Variants in MPDZ observed in about 807,000 individuals in gnomAD.
MPDZ encodes multiple PDZ domain protein.
A neutral mutation model predicts 239.1 loss-of-function variants in MPDZ; 234 were observed. The observed-to-expected ratio is 0.98, with a 90% confidence interval of 0.88 to 1.09. The LOEUF (loss-of-function observed/expected upper bound fraction) is 1.09. Among genes scored for constraint, MPDZ ranks in the 50% least tolerant of loss-of-function variants. The pLI is 0.00. For missense variants in MPDZ, 3,175 were observed against 2,510.0 expected (o/e 1.26, Z -5.66); for synonymous variants, 1,048 against 881.3 (o/e 1.19, Z -3.35).
rs1944016849 is a variant in MPDZ, at chr9:13,119,546, C to G, written c.5335G>C (p.Asp1779His). 2 of 1,613,436 alleles carry G rather than the reference C, an allele frequency of 1.2e-6. No homozygotes were observed. Among genetic ancestry groups the G allele is most frequent in the South Asian group, 2.2e-5 (2 of 90,862 alleles). ...GCTTCTTGGGTGGCATTACGAACGT[C>G]TTCCCCATTCACCATTAATATCTGG... is the stretch of plus-strand genomic sequence containing the variant. ...GDQILMVNGE[D>H]VRNATQEAVA... The change falls in exon 39 of 47, where the codon GAC becomes CAC. Residue 1779 changes from aspartate to histidine, a missense_variant. Physicochemically the swap from Asp to His is moderately conservative, Grantham distance 81. Transcript: ENST00000319217.
At chr9:13,224,611 A>C in intron 3 of MPDZ, 28 bp from the exon 4 acceptor site, 1 of 1,440,590 alleles carries the variant, frequency 6.9e-7, no homozygotes, top group South Asian at 1.2e-5. Flanking sequence ...ATTATTAAGA[A>C]TTTTGACATT....
chr9:13,250,377 GC>G lies in MPDZ; in HGVS notation c.-57-6del. The G allele has an allele frequency of 7.0e-7, 1 of 1,427,352 alleles. No individual in the cohort carries two copies. Among genetic ancestry groups the G allele is most frequent in the Non-Finnish European group, 9.6e-7 (1 of 1,036,634 alleles). 88.4% of individuals were successfully genotyped at this position (1,427,352 alleles called of 1,614,324 possible). ...AACAGCAATTAAAATGGAACTCTGT[GC>G]AAAAAAGAAATAGAATGGTTATGTT... On this transcript the variant is annotated splice_polypyrimidine_tract_variant and splice_region_variant and intron_variant, in intron 1 of 46. Transcript: ENST00000319217.
intron 4 of MPDZ, among the ~76,000 whole-genome samples, chr9:13,224,107 A>G (rs1959744345): frequency 1.3e-5 from 2 of 152,154 alleles, no homozygotes; most frequent in Non-Finnish European, 2.9e-5. Context: ...AAAAAAAAAG[A>G]AATTGAATAA....
intron 39 of MPDZ, among the ~76,000 whole-genome samples, chr9:13,118,648 G>C (rs1362363885): frequency 2.0e-5 from 3 of 152,168 alleles, no homozygotes; most frequent in Non-Finnish European, 2.9e-5. Flanking sequence ...AAGGAGATAA[G>C]CATTGCCTAT....
intron 12 of MPDZ, among the ~76,000 whole-genome samples, chr9:13,200,330 C>G (rs181270561): frequency 6.6e-6 from 1 of 151,766 alleles, no homozygotes. Context: ...TATTTTAGGT[C>G]TTTTTGGCTT....
In MPDZ at chr9:13,223,275, T is replaced by G. The variant is rs76842910; in HGVS notation, c.533+296A>C. On this transcript the variant is annotated intron_variant, in intron 5 of 46. Transcript: ENST00000319217. Reference sequence around the variant, plus strand: ...TTATTATGGGTCATTTCTAGCATGGTAATTTTAAAAATCTAATCAAAAAGA... The same window carrying G: ...TTATTATGGGTCATTTCTAGCATGGGAATTTTAAAAATCTAATCAAAAAGA... Among the ~76,000 whole-genome samples, 514 of 151,824 alleles carry G rather than the reference T, an allele frequency of 3.4e-3. 9 individuals carry two copies. Among genetic ancestry groups the G allele is most frequent in the Admixed American group, 0.015 (232 of 15,220 alleles).
chr9:13,117,037 T>C (rs1943570422), intron 39 of MPDZ, among the ~76,000 whole-genome samples: 1 of 152,110 alleles, frequency 6.6e-6, no homozygotes, highest in Admixed American at 6.5e-5. Context: ...CTATGTTTTT[T>C]CCTATATATA....
In MPDZ at chr9:13,202,881, G is replaced by T. The variant is rs188994662; in HGVS notation, c.1546+2155C>A. ...CTCTAGTTCTGGTGAACTCAGGGTG[G>T]TATTTTTGTCTTTGATAGTTTCCAG... On this transcript the variant is annotated intron_variant, in intron 12 of 46. Transcript: ENST00000319217. Among the ~76,000 whole-genome samples, 343 of 152,236 alleles carry T rather than the reference G, an allele frequency of 2.3e-3. 2 individuals are homozygous for T. The highest frequency in any genetic ancestry group is 4.3e-3 in the Non-Finnish European group (291 of 68,022).
intron 1 of MPDZ, chr9:13,274,624 A>C (rs1051860270): frequency 9.9e-5 from 15 of 152,046 alleles, no homozygotes; most frequent in Admixed American, 2.0e-4. Context: ...AAAAACAAAA[A>C]AAAAAAAAAG....
intron 1 of MPDZ, among the ~76,000 whole-genome samples, chr9:13,278,334 C>T (rs1974718586): frequency 2.6e-5 from 4 of 152,150 alleles, no homozygotes; most frequent in Admixed American, 2.6e-4. Context: ...CCAAGCGGAG[C>T]ACCTCAAAAG....
intron 1 of MPDZ, among the ~76,000 whole-genome samples, chr9:13,257,587 A>G (rs535711525): frequency 1.3e-5 from 2 of 152,344 alleles, no homozygotes; most frequent in South Asian, 4.1e-4. Flanking sequence ...TTAGGTAAGT[A>G]AAAATCGATT....
At chr9:13,236,687 C>T (rs1964130160) in intron 3 of MPDZ, among the ~76,000 whole-genome samples, 1 of 151,642 alleles carries the variant, frequency 6.6e-6, no homozygotes, top group African/African-American at 2.4e-5. Context: ...CTCCCACTTC[C>T]CCAAATTTCA....
Position 13,143,551 on chromosome 9 carries a change from G to A in MPDZ, c.3755C>T (p.Pro1252Leu). 6.2e-7 allele frequency: 1 copy of A among 1,612,764 alleles called. No homozygotes were observed. Among genetic ancestry groups the A allele is most frequent in the Non-Finnish European group, 8.5e-7 (1 of 1,178,950 alleles). ...AGGGTAAAGGTTGTGCAGCAAGGAA[G>A]GCAAAGGGGATTTCTAAAAGGAAAC... ...IINRPRKSPL[P>L]SLLHNLYPKY... Residue 1252 changes from proline to leucine, a missense_variant, in exon 27 of 47, where the codon CCT becomes CTT. Pro to Leu is a moderately conservative substitution (Grantham distance 98). Coordinates refer to ENST00000319217, the MANE Select transcript of MPDZ (RefSeq NM_001378778.1).
At position 13,189,968 on chromosome 9, in the gene MPDZ, T is replaced by C. The variant is rs1954668041; in HGVS notation, c.2154+146A>G. 5 of 643,098 alleles carry C rather than the reference T, an allele frequency of 7.8e-6. No individual in the cohort carries two copies. The South Asian group carries it at 8.0e-5, about 10-fold the overall frequency. The allele number at this position is 643,098 out of a possible 1,614,324, so 39.8% of individuals were successfully genotyped here. A position where few individuals can be genotyped will look rare whatever the true frequency, so the allele number is the denominator to read the frequency against. On this transcript the variant is annotated intron_variant, in intron 16 of 46. Coordinates refer to ENST00000319217, the MANE Select transcript of MPDZ (RefSeq NM_001378778.1). ...CAATGTTAAAAGAAATCCTTTATGA[T>C]AATCAGTGAATCCTATAAATCACTA...
intron 8 of MPDZ, among the ~76,000 whole-genome samples, chr9:13,218,350 C>T (rs941157774): frequency 6.6e-6 from 1 of 151,826 alleles, no homozygotes; most frequent in Admixed American, 6.6e-5. Flanking sequence ...GGCAATTTGA[C>T]TATCGAATGG....
chr9:13,192,345 A>T, intron 14 of MPDZ, 50 bp from the exon 15 acceptor site: 1 of 1,475,568 alleles, frequency 6.8e-7, no homozygotes, highest in East Asian at 2.5e-5. Flanking sequence ...TAATATGAAC[A>T]TTCTTTTGAA....
intron 19 of MPDZ, among the ~76,000 whole-genome samples, chr9:13,182,146 C>G (rs1953424364): frequency 6.6e-6 from 1 of 152,136 alleles, no homozygotes; most frequent in Admixed American, 6.6e-5. Context: ...GGAAATTCTA[C>G]TTTCCAACTT....
chr9:13,237,926 G>C (rs1158481592), intron 3 of MPDZ, among the ~76,000 whole-genome samples: 7 of 152,020 alleles, frequency 4.6e-5, no homozygotes, highest in African/African-American at 1.7e-4. Context: ...TTAAGCTTTA[G>C]TTAAAAAAAA....
intron 39 of MPDZ, among the ~76,000 whole-genome samples, chr9:13,117,849 T>C (rs961999898): frequency 6.6e-6 from 1 of 151,124 alleles, no homozygotes; most frequent in Non-Finnish European, 1.5e-5. Flanking sequence ...TTAGCTTTTT[T>C]TTTTTTTTTT....
Sources: gnomAD v4.1 joint callset for allele counts (sites outside exome capture counted in the v4.1 genomes callset) on GRCh38, gnomAD v4.1.1 for gene constraint, MANE v1.5 for transcripts, NCBI Gene and HGNC (gene_info 2026-07-23, HGNC 2026-07-21) for gene names.